The following DLGAP1 variants were observed in gnomAD, a reference collection of about 807,000 sequenced individuals.
The protein encoded by DLGAP1 is disks large-associated protein 1.
DLGAP1 carries 11 observed loss-of-function variants against 90.8 expected under a neutral mutation model. The observed-to-expected ratio is 0.12, with a 90% CI of 0.08 to 0.20. DLGAP1 has a LOEUF of 0.20. DLGAP1 is among the 10% of genes least tolerant of loss of function. DLGAP1 has a pLI of 1.00. For synonymous variants in DLGAP1, 558 were observed against 540.7 expected (o/e 1.03, Z -0.44); for missense variants, 1,050 against 1,333.8 (o/e 0.79, Z 3.31).
At chr18:4,172,296 C>T (rs943259499) in intron 1 of DLGAP1, among the ~76,000 whole-genome samples, 1 of 152,118 alleles carries the variant, frequency 6.6e-6, no homozygotes, top group African/African-American at 2.4e-5. Context: ...ATGTGGCCAC[C>T]TCCAATTTGA....
intron 2 of DLGAP1, among the ~76,000 whole-genome samples, chr18:4,132,683 G>A (rs1257106410): frequency 1.3e-5 from 2 of 152,072 alleles, no homozygotes; most frequent in East Asian, 3.9e-4. Flanking sequence ...CTGATTTCTG[G>A]CAAAAGAGTT....
intron 1 of DLGAP1, among the ~76,000 whole-genome samples, chr18:4,282,987 A>C (rs575704266): frequency 2.1e-4 from 32 of 152,284 alleles, no homozygotes; most frequent in African/African-American, 7.0e-4. Context: ...TTAGCCACTC[A>C]GGATGGGGAA....
chr18:3,516,548 G>C (rs916640361), intron 10 of DLGAP1, among the ~76,000 whole-genome samples: 1 of 152,072 alleles, frequency 6.6e-6, no homozygotes, highest in Non-Finnish European at 1.5e-5. Context: ...AATGGATGTC[G>C]TATTCCTCTG....
chr18:3,758,560 T>C (rs1310764825), intron 5 of DLGAP1, among the ~76,000 whole-genome samples: 1 of 152,234 alleles, frequency 6.6e-6, no homozygotes, highest in Non-Finnish European at 1.5e-5. Context: ...GAGTCTCTTC[T>C]TTTTCTGCCC....
At chr18:4,346,218 A>G (rs2081300101) in intron 1 of DLGAP1, among the ~76,000 whole-genome samples, 2 of 152,142 alleles carry the variant, frequency 1.3e-5, no homozygotes, top group African/African-American at 4.8e-5. Flanking sequence ...TATGAACTTT[A>G]TTTGTCAATT....
intron 7 of DLGAP1, among the ~76,000 whole-genome samples, chr18:3,605,232 T>A (rs2057274222): frequency 6.6e-6 from 1 of 152,378 alleles, no homozygotes; most frequent in Non-Finnish European, 1.5e-5. Flanking sequence ...GTTAGGGATA[T>A]TCTTTCCTCT....
intron 1 of DLGAP1, among the ~76,000 whole-genome samples, chr18:4,368,633 TCATACACA>T (rs1341385459): frequency 1.2e-4 from 6 of 51,784 alleles, no homozygotes; most frequent in Admixed American, 8.1e-4. Flanking sequence ...TCTCTCTCTC[TCATACACA>T]CACACACACA....
At chr18:4,043,657 G>C (rs1222197330) in intron 2 of DLGAP1, among the ~76,000 whole-genome samples, 2 of 152,114 alleles carry the variant, frequency 1.3e-5, no homozygotes, top group Non-Finnish European at 2.9e-5. Context: ...AATAAGTCAG[G>C]AAAGCAAGCA....
At chr18:4,419,050 C>A (rs281014) in intron 1 of DLGAP1, among the ~76,000 whole-genome samples, 137,202 of 152,242 alleles carry the variant, frequency 0.9, 61,956 homozygotes, top group East Asian at 1. Flanking sequence ...AGCTAGAAGA[C>A]AATGGAGTGC....
At chr18:4,283,994 A>G (rs569329604) in intron 1 of DLGAP1, among the ~76,000 whole-genome samples, 1 of 152,210 alleles carries the variant, frequency 6.6e-6, no homozygotes, top group African/African-American at 2.4e-5. Context: ...CAAAGGAAAC[A>G]CACGTAAGAG....
intron 3 of DLGAP1, among the ~76,000 whole-genome samples, chr18:3,883,153 A>T (rs1185251604): frequency 6.6e-6 from 1 of 152,232 alleles, no homozygotes; most frequent in Non-Finnish European, 1.5e-5. Context: ...CTGAGGCAGG[A>T]GAATTGCTTG....
intron 3 of DLGAP1, among the ~76,000 whole-genome samples, chr18:3,925,778 C>A (rs1347533804): frequency 6.6e-6 from 1 of 152,104 alleles, no homozygotes; most frequent in Non-Finnish European, 1.5e-5. Context: ...TCAAAACAAC[C>A]CAAATAATTT....
At chr18:4,390,813 G>A (rs1202937163) in intron 1 of DLGAP1, among the ~76,000 whole-genome samples, 1 of 152,044 alleles carries the variant, frequency 6.6e-6, no homozygotes, top group Non-Finnish European at 1.5e-5. Context: ...AAAATCATAG[G>A]CAGTTCTAGA....
chr18:3,581,843 C>T, intron 8 of DLGAP1, 32 bp downstream of exon 8: 2 of 1,602,950 alleles, frequency 1.2e-6, no homozygotes, highest in Non-Finnish European at 1.7e-6. Flanking sequence ...TTTTAAGTTC[C>T]TATTTCAAAG....
intron 3 of DLGAP1, among the ~76,000 whole-genome samples, chr18:3,931,314 G>A (rs914192705): frequency 6.6e-6 from 1 of 152,160 alleles, no homozygotes; most frequent in Non-Finnish European, 1.5e-5. Flanking sequence ...TTAGGCTGGT[G>A]GAAGCTGGGG....
intron 7 of DLGAP1, among the ~76,000 whole-genome samples, chr18:3,625,442 C>T (rs1166206802): frequency 6.6e-6 from 1 of 152,194 alleles, no homozygotes; most frequent in Admixed American, 6.5e-5. Flanking sequence ...GGCACCACTT[C>T]ACGCAATGCC....
At chr18:4,242,586 T>G (rs986757213) in intron 1 of DLGAP1, among the ~76,000 whole-genome samples, 1 of 152,188 alleles carries the variant, frequency 6.6e-6, no homozygotes. Context: ...TCAAAAATTC[T>G]TTTCAGAAAC....
chr18:3,797,117 A>T (rs539847613), intron 5 of DLGAP1, among the ~76,000 whole-genome samples: 1 of 152,260 alleles, frequency 6.6e-6, no homozygotes, highest in South Asian at 2.1e-4. Flanking sequence ...GTGGATCACG[A>T]GGTCAGGAGA....
intron 6 of DLGAP1, among the ~76,000 whole-genome samples, chr18:3,737,276 C>G (rs572341904): frequency 6.6e-6 from 1 of 152,200 alleles, no homozygotes; most frequent in Non-Finnish European, 1.5e-5. Flanking sequence ...TTTGATGAGG[C>G]CAGCATCATT....
Sources: gnomAD v4.1 joint callset for allele counts (sites outside exome capture counted in the v4.1 genomes callset) on GRCh38, gnomAD v4.1.1 for gene constraint, MANE v1.5 for transcripts, NCBI Gene and HGNC (gene_info 2026-07-23, HGNC 2026-07-21) for gene names.